Variants in CAMK1D observed in about 807,000 individuals in gnomAD.
CAMK1D encodes calcium/calmodulin-dependent protein kinase type 1D.
In CAMK1D, 9 loss-of-function variants were observed where a neutral mutation model predicts 47.7. That is an observed-to-expected ratio of 0.19 (90% CI 0.11 to 0.33). The LOEUF (loss-of-function observed/expected upper bound fraction) is 0.33. Ranked by LOEUF, CAMK1D falls within the 10% of genes least tolerant of loss-of-function variation. The pLI is 1.00. For synonymous variants in CAMK1D, 184 were observed against 184.9 expected, an observed-to-expected ratio of 0.99 and a Z score of 0.04; for missense variants, 291 against 488.7, an observed-to-expected ratio of 0.60 and a Z score of 3.81.
chr10:12,575,173 A>G (rs1588650843), intron 2 of CAMK1D, among the ~76,000 whole-genome samples: 3 of 151,888 alleles, frequency 2.0e-5, no homozygotes, highest in Non-Finnish European at 4.4e-5. Flanking sequence ...GCTCACTGCA[A>G]CCTCTGCTGC....
intron 1 of CAMK1D, among the ~76,000 whole-genome samples, chr10:12,369,846 C>T (rs1837954667): frequency 1.3e-5 from 2 of 151,448 alleles, no homozygotes; most frequent in South Asian, 2.1e-4. Flanking sequence ...ATCCCAGCTA[C>T]TCGGGAGGCT....
chr10:12,801,275 A>G (rs563079651), intron 6 of CAMK1D, among the ~76,000 whole-genome samples: 26 of 147,166 alleles, frequency 1.8e-4, no homozygotes, highest in African/African-American at 6.3e-4. Flanking sequence ...CCGTCCATCC[A>G]TCCATATTTC....
chr10:12,733,079 T>G (rs1242923375), intron 3 of CAMK1D, among the ~76,000 whole-genome samples: 1 of 152,236 alleles, frequency 6.6e-6, no homozygotes, highest in Admixed American at 6.5e-5. Context: ...GTCCAAATCT[T>G]TGTGCGAGAC....
intron 3 of CAMK1D, among the ~76,000 whole-genome samples, chr10:12,741,068 C>A (rs1835404731): frequency 6.6e-6 from 1 of 152,222 alleles, no homozygotes; most frequent in African/African-American, 2.4e-5. Flanking sequence ...CACTCAAATT[C>A]TCCTCTATCT....
chr10:12,605,784 T>C (rs984088301), intron 2 of CAMK1D, among the ~76,000 whole-genome samples: 2 of 152,128 alleles, frequency 1.3e-5, no homozygotes, highest in African/African-American at 4.8e-5. Flanking sequence ...GGATGCCACT[T>C]CCCTCTCTCT....
intron 2 of CAMK1D, among the ~76,000 whole-genome samples, chr10:12,656,532 A>C (rs1840120584): frequency 6.6e-6 from 1 of 152,204 alleles, no homozygotes; most frequent in African/African-American, 2.4e-5. Context: ...ATTTGTGCAC[A>C]AGGGTTTTTA....
chr10:12,611,619 T>C (rs1195632693), intron 2 of CAMK1D, among the ~76,000 whole-genome samples: 1 of 113,234 alleles, frequency 8.8e-6, no homozygotes, highest in Admixed American at 1.1e-4. Context: ...TGAGACAGAG[T>C]CTTACTCTGT....
intron 1 of CAMK1D, among the ~76,000 whole-genome samples, chr10:12,530,855 G>A (rs140379110): frequency 0.015 from 2,219 of 152,142 alleles, 57 homozygotes; most frequent in African/African-American, 0.051. Context: ...TCAGGAGTTC[G>A]AGACCAGCCT....
chr10:12,761,788 A>G (rs1836519991), intron 4 of CAMK1D, among the ~76,000 whole-genome samples: 1 of 152,230 alleles, frequency 6.6e-6, no homozygotes, highest in Non-Finnish European at 1.5e-5. Flanking sequence ...CAGGAAGCCG[A>G]GGCAGGAGAA....
intron 2 of CAMK1D, among the ~76,000 whole-genome samples, chr10:12,633,394 C>G (rs1002875028): frequency 6.6e-6 from 1 of 152,186 alleles, no homozygotes; most frequent in African/African-American, 2.4e-5. Flanking sequence ...GGTTCCACCT[C>G]ATCTCCATGG....
intron 4 of CAMK1D, among the ~76,000 whole-genome samples, chr10:12,765,385 G>A (rs1051304156): frequency 6.6e-6 from 1 of 152,076 alleles, no homozygotes; most frequent in African/African-American, 2.4e-5. Context: ...AGAGAGGGGA[G>A]GGGGTAGTGG....
chr10:12,689,645 G>A (rs1294443830), intron 3 of CAMK1D, among the ~76,000 whole-genome samples: 1 of 152,016 alleles, frequency 6.6e-6, no homozygotes, highest in African/African-American at 2.4e-5. Flanking sequence ...GCCTGGTAGT[G>A]CATGCCTGTA....
intron 3 of CAMK1D, among the ~76,000 whole-genome samples, chr10:12,680,388 G>A (rs982209445): frequency 2.0e-5 from 3 of 152,148 alleles, no homozygotes; most frequent in African/African-American, 7.2e-5. Context: ...GTTGTTGTTT[G>A]TTTGTTTTAA....
chr10:12,504,693 TG>T (rs1834816909), intron 1 of CAMK1D, among the ~76,000 whole-genome samples: 1 of 152,222 alleles, frequency 6.6e-6, no homozygotes, highest in Admixed American at 6.5e-5. Flanking sequence ...AGGCTGAATT[TG>T]AGATTCCCTG....
At chr10:12,357,021 A>T (rs1009980632) in intron 1 of CAMK1D, among the ~76,000 whole-genome samples, 8 of 152,024 alleles carry the variant, frequency 5.3e-5, no homozygotes, top group Non-Finnish European at 1.2e-4. Flanking sequence ...TCCTTTCCCC[A>T]AATAAATCTC....
At chr10:12,437,173 CATCTGTCTGTCT>C (rs1429227474) in intron 1 of CAMK1D, among the ~76,000 whole-genome samples, 4 of 150,898 alleles carry the variant, frequency 2.7e-5, no homozygotes. Flanking sequence ...TCTATCTGTC[CATCTGTCTGTCT>C]GTCTGTCTGT....
chr10:12,551,286 G>T (rs1836568790), intron 1 of CAMK1D, among the ~76,000 whole-genome samples: 1 of 152,150 alleles, frequency 6.6e-6, no homozygotes, highest in African/African-American at 2.4e-5. Context: ...TGCACGCGAG[G>T]GATCTAGGTT....
intron 2 of CAMK1D, among the ~76,000 whole-genome samples, chr10:12,583,541 A>T (rs905030512): frequency 1.3e-5 from 2 of 151,706 alleles, no homozygotes; most frequent in Non-Finnish European, 2.9e-5. Context: ...GACCTTGCTC[A>T]TTCAGGTAGC....
At chr10:12,766,805 C>T (rs943875761) in intron 4 of CAMK1D, among the ~76,000 whole-genome samples, 4 of 152,072 alleles carry the variant, frequency 2.6e-5, no homozygotes, top group Admixed American at 1.3e-4. Flanking sequence ...GGGGGATTCT[C>T]CAACGTAGCA....
Sources: gnomAD v4.1 joint callset for allele counts (sites outside exome capture counted in the v4.1 genomes callset) on GRCh38, gnomAD v4.1.1 for gene constraint, MANE v1.5 for transcripts, NCBI Gene and HGNC (gene_info 2026-07-23, HGNC 2026-07-21) for gene names.